Variants in TMEM163 observed in about 807,000 individuals in gnomAD.
The protein encoded by TMEM163 is transmembrane protein 163.
TMEM163 carries 17 observed loss-of-function variants against 29.3 expected under a neutral mutation model. That is an observed-to-expected ratio of 0.58 (90% confidence interval 0.40 to 0.87). TMEM163 has a LOEUF of 0.87. Among genes scored for constraint, TMEM163 ranks in the 40% least tolerant of loss-of-function variants. The pLI is 0.00. For missense variants in TMEM163, 303 were observed against 381.5 expected (o/e 0.79, Z 1.71); for synonymous variants, 157 against 160.6 (o/e 0.98, Z 0.17).
intron 2 of TMEM163, among the ~76,000 whole-genome samples, chr2:134,640,315 AG>A (rs1283765003): frequency 1.3e-5 from 2 of 152,130 alleles, no homozygotes; most frequent in Non-Finnish European, 2.9e-5. Context: ...GCCCAACCCC[AG>A]AAAAAAGAAA....
intron 2 of TMEM163, among the ~76,000 whole-genome samples, chr2:134,646,599 C>T (rs1558976320): frequency 6.6e-6 from 1 of 152,092 alleles, no homozygotes; most frequent in Admixed American, 6.6e-5. Flanking sequence ...TGTGCATCAC[C>T]ATGCCCAGCT....
chr2:134,515,101 A>G (rs553980189), intron 4 of TMEM163, among the ~76,000 whole-genome samples: 7 of 152,280 alleles, frequency 4.6e-5, no homozygotes, highest in Non-Finnish European at 1.0e-4. Flanking sequence ...TGTCTCAGCA[A>G]CGCGATACTT....
intron 2 of TMEM163, among the ~76,000 whole-genome samples, chr2:134,639,632 G>A (rs1683184610): frequency 1.3e-5 from 2 of 152,138 alleles, no homozygotes; most frequent in South Asian, 4.1e-4. Context: ...TATCCATGGA[G>A]GACCCTTTTG....
At chr2:134,595,492 C>T (rs1682056311) in intron 2 of TMEM163, among the ~76,000 whole-genome samples, 1 of 152,194 alleles carries the variant, frequency 6.6e-6, no homozygotes, top group African/African-American at 2.4e-5. Context: ...ATATGTGCCA[C>T]ATTTTCTTAA....
intron 4 of TMEM163, among the ~76,000 whole-genome samples, chr2:134,507,966 CT>C (rs5834419): frequency 3.4e-4 from 51 of 151,634 alleles, no homozygotes; most frequent in African/African-American, 6.0e-4. Context: ...TTAAAGCCTC[CT>C]TTTTTTTTCT....
At chr2:134,480,270 C>T (rs1426581738) in intron 5 of TMEM163, among the ~76,000 whole-genome samples, 1 of 152,124 alleles carries the variant, frequency 6.6e-6, no homozygotes, top group Non-Finnish European at 1.5e-5. Context: ...CAGGCTCCTA[C>T]CCCAGGGCCT....
At position 134,663,966 on chromosome 2, in the gene TMEM163, C is replaced by G. The variant is rs187109481; in HGVS notation, c.322+49234G>C. Among the ~76,000 whole-genome samples the G allele has an allele frequency of 1.2e-4, 18 of 152,350 alleles. 2 individuals carry two copies. The highest frequency in any genetic ancestry group is 4.1e-4 in the African/African-American group (17 of 41,588). On this transcript the variant is annotated intron_variant, in intron 2 of 7. Transcript: ENST00000281924. ...TGGCCAGCCTGCTGATCCTCAGTAG[C>G]CCTATAGGCACAGGCTTGTCTAAAG...
intron 2 of TMEM163, among the ~76,000 whole-genome samples, chr2:134,622,648 A>G (rs1442869759): frequency 6.6e-6 from 1 of 152,220 alleles, no homozygotes; most frequent in Non-Finnish European, 1.5e-5. Flanking sequence ...GCTGATTTCA[A>G]TTAAGTCAAG....
intron 2 of TMEM163, among the ~76,000 whole-genome samples, chr2:134,612,880 G>C (rs1682536667): frequency 6.6e-6 from 1 of 152,138 alleles, no homozygotes; most frequent in African/African-American, 2.4e-5. Context: ...AAATAAGAAA[G>C]TTGGGCCCAT....
chr2:134,559,560 T>C (rs1166118649), intron 2 of TMEM163, among the ~76,000 whole-genome samples: 1 of 152,204 alleles, frequency 6.6e-6, no homozygotes, highest in Non-Finnish European at 1.5e-5. Flanking sequence ...GGGCTCTGCC[T>C]GTCTGGAGAG....
intron 2 of TMEM163, among the ~76,000 whole-genome samples, chr2:134,577,852 C>T (rs1479604170): frequency 2.0e-5 from 3 of 152,144 alleles, no homozygotes; most frequent in South Asian, 2.1e-4. Flanking sequence ...AATAAAAACA[C>T]AGCATAACAA....
intron 5 of TMEM163, 41 bp downstream of exon 5, chr2:134,502,860 C>T (rs377086139): frequency 9.5e-6 from 15 of 1,584,252 alleles, no homozygotes; most frequent in African/African-American, 8.1e-5. Context: ...AGGGGGCCAG[C>T]GCTGGCAGGA....
At chr2:134,634,015 ATAT>A (rs1683046424) in intron 2 of TMEM163, among the ~76,000 whole-genome samples, 1 of 33,160 alleles carries the variant, frequency 3.0e-5, no homozygotes, top group Non-Finnish European at 8.8e-5. Flanking sequence ...ATATATATAT[ATAT>A]ATAATAGGAC....
intron 2 of TMEM163, among the ~76,000 whole-genome samples, chr2:134,682,461 C>T (rs151289577): frequency 1.3e-3 from 203 of 152,248 alleles, no homozygotes; most frequent in African/African-American, 4.4e-3. Context: ...TGAGTAGGGG[C>T]CATCCCTTTA....
chr2:134,627,659 A>G (rs1228528955), intron 2 of TMEM163, among the ~76,000 whole-genome samples: 4 of 152,324 alleles, frequency 2.6e-5, no homozygotes, highest in Non-Finnish European at 5.9e-5. Context: ...GGAAAGAAAA[A>G]AAGATGTATG....
chr2:134,715,361 T>A (rs1685016225), intron 1 of TMEM163, among the ~76,000 whole-genome samples: 1 of 152,150 alleles, frequency 6.6e-6, no homozygotes, highest in African/African-American at 2.4e-5. Context: ...AGCTGGACTG[T>A]CCCGCTAAGG....
chr2:134,716,192 A>G (rs1228825691), intron 1 of TMEM163, among the ~76,000 whole-genome samples: 1 of 152,194 alleles, frequency 6.6e-6, no homozygotes, highest in Non-Finnish European at 1.5e-5. Context: ...AAATACTTGT[A>G]GGGAGAAGAA....
chr2:134,661,425 T>C lies in TMEM163; in HGVS notation c.322+51775A>G, dbSNP rs575079943. Among the ~76,000 whole-genome samples the C allele has an allele frequency of 1.2e-4, 19 of 152,346 alleles. No homozygotes were observed. The South Asian group carries it at 1.5e-3, about 12-fold the overall frequency. On this transcript the variant is annotated intron_variant, in intron 2 of 7. Transcript: ENST00000281924. The stretch of plus-strand genomic sequence containing the variant: ...AGGTATTTATTTGCAGGAGAACTTA[T>C]ATCGATGGGCAAATGAAAGGAATGC...
At chr2:134,508,101 T>A (rs1279484577) in intron 4 of TMEM163, among the ~76,000 whole-genome samples, 1 of 152,206 alleles carries the variant, frequency 6.6e-6, no homozygotes, top group Non-Finnish European at 1.5e-5. Flanking sequence ...CAAAATGTTG[T>A]CAGATCGAAA....
Sources: gnomAD v4.1 joint callset for allele counts (sites outside exome capture counted in the v4.1 genomes callset) on GRCh38, gnomAD v4.1.1 for gene constraint, MANE v1.5 for transcripts, NCBI Gene and HGNC (gene_info 2026-07-23, HGNC 2026-07-21) for gene names.